Variants in ENPEP observed in about 807,000 individuals in gnomAD.
ENPEP encodes the protein glutamyl aminopeptidase, also known as AP-A.
In ENPEP, 103 loss-of-function variants were observed where a neutral mutation model predicts 114.5. The ratio of observed to expected loss-of-function variants is 0.90; its 90% CI spans 0.77 to 1.06. The LOEUF is 1.06. Among genes scored for constraint, ENPEP ranks in the 50% least tolerant of loss-of-function variants. The pLI, the probability that ENPEP is intolerant of heterozygous loss-of-function variation, is 0.00. For missense variants in ENPEP, 1,196 were observed against 1,161.3 expected, an observed-to-expected ratio of 1.03 and a Z score of -0.43; for synonymous variants, 420 against 422.0, an observed-to-expected ratio of 1.00 and a Z score of 0.06.
At chr4:110,519,858 G>T in intron 8 of ENPEP, 150 bp from the exon 9 acceptor site, 1 of 595,030 alleles carries the variant, frequency 1.7e-6, no homozygotes, top group Non-Finnish European at 3.0e-6. Context: ...AAATATCAAT[G>T]CAACAGCCGT....
At chr4:110,530,478 T>A (rs1726368694) in intron 10 of ENPEP, among the ~76,000 whole-genome samples, 1 of 152,148 alleles carries the variant, frequency 6.6e-6, no homozygotes, top group African/African-American at 2.4e-5. Flanking sequence ...CATTTTCTGA[T>A]ATGAGATGAT....
At chr4:110,503,101 G>T (rs1475967536) in intron 3 of ENPEP, among the ~76,000 whole-genome samples, 1 of 151,988 alleles carries the variant, frequency 6.6e-6, no homozygotes, top group Non-Finnish European at 1.5e-5. Context: ...TCTCCTTCCT[G>T]TGTCCAAGTG....
In ENPEP at chr4:110,515,370, A is replaced by G. The variant is rs1431765713; in HGVS notation, c.1444-7A>G. ...TAGTTTCATTTGTCTTTTTATCCCCATTGTAGGGATCTTCTATTTTGAGAA... is the reference window on the plus strand; with the variant it reads ...TAGTTTCATTTGTCTTTTTATCCCCGTTGTAGGGATCTTCTATTTTGAGAA... On this transcript the variant is annotated splice_polypyrimidine_tract_variant and splice_region_variant and intron_variant, in intron 7 of 19. Transcript: ENST00000265162. 3.7e-6 allele frequency: 6 copies of G among 1,606,118 alleles called. No individual in the cohort carries two copies. In the African/African-American group the frequency reaches 4.0e-5, roughly 11 times the overall value.
chr4:110,549,088 C>T (rs879035387), intron 14 of ENPEP, among the ~76,000 whole-genome samples: 1 of 151,764 alleles, frequency 6.6e-6, no homozygotes, highest in Admixed American at 6.6e-5. Flanking sequence ...CATATGTTAA[C>T]TAAGAAATAG....
Position 110,561,675 on chromosome 4 carries a change from A to G in ENPEP, c.*117A>G. The G allele has an allele frequency of 1.0e-6, 1 of 963,932 alleles. No individual in the cohort carries two copies. The highest frequency in any genetic ancestry group is 1.7e-5 in the South Asian group (1 of 57,908). The allele number at this position is 963,932 out of a possible 1,614,324, so 59.7% of individuals were successfully genotyped here. A position where few individuals can be genotyped will look rare whatever the true frequency, so the allele number is the denominator to read the frequency against. ...CTTATAAACAGATAATGCTTTTACT[A>G]AGCACTGTGTTTATATGTCTTGCAA... On this transcript the variant is annotated 3_prime_UTR_variant, in exon 20 of 20. Coordinates refer to ENST00000265162, the MANE Select transcript of ENPEP (RefSeq NM_001977.4).
intron 11 of ENPEP, among the ~76,000 whole-genome samples, chr4:110,532,346 T>G (rs2110375698): frequency 6.6e-6 from 1 of 152,330 alleles, no homozygotes; most frequent in South Asian, 2.1e-4. Flanking sequence ...TCATTTCACA[T>G]AAATAAAAGT....
chr4:110,490,719 C>G (rs1258386056), intron 2 of ENPEP, among the ~76,000 whole-genome samples: 1 of 152,180 alleles, frequency 6.6e-6, no homozygotes, highest in Non-Finnish European at 1.5e-5. Flanking sequence ...TTGCAGTACT[C>G]TGAAATATTA....
intron 10 of ENPEP, among the ~76,000 whole-genome samples, chr4:110,521,164 T>G (rs1460391559): frequency 6.6e-6 from 1 of 151,924 alleles, no homozygotes; most frequent in Non-Finnish European, 1.5e-5. Flanking sequence ...AAAATACAAC[T>G]CCCTTCAGCC....
Position 110,509,846 on chromosome 4 carries a change from A to T in ENPEP, c.1194+39A>T, listed in dbSNP as rs987512278. On this transcript the variant is annotated intron_variant, in intron 5 of 19. Transcript: ENST00000265162. ...GCACTGAATCAGCTTGTTTTTTTAA[A>T]GTGGCTTAAGACCACAGGAATAATT... 10 of 1,592,976 alleles carry T rather than the reference A, an allele frequency of 6.3e-6. No homozygotes were observed. In the African/African-American group the frequency reaches 1.4e-4, roughly 22 times the overall value.
chr4:110,563,893 G>A lies in ENPEP; in HGVS notation c.*2335G>A, dbSNP rs1373639289. ...GAAACAGGGGTGAGATGTATACCTG[G>A]GTTGAAGGTAATGATACTCCTACAG... is the stretch of plus-strand genomic sequence containing the variant. On this transcript the variant is annotated 3_prime_UTR_variant, in exon 20 of 20. Coordinates refer to ENST00000265162, the MANE Select transcript of ENPEP (RefSeq NM_001977.4). 6.6e-6 allele frequency: 1 copy of A among 152,086 alleles called. No individual in the cohort carries two copies. Among genetic ancestry groups the A allele is most frequent in the Admixed American group, 6.6e-5 (1 of 15,252 alleles). The allele number at this position is 152,086 out of a possible 1,614,324, so 9.4% of individuals were successfully genotyped here.
chr4:110,547,933 A>G (rs982751336), intron 13 of ENPEP, among the ~76,000 whole-genome samples: 10 of 152,006 alleles, frequency 6.6e-5, no homozygotes, highest in African/African-American at 2.4e-4. Context: ...TCAAATGTAC[A>G]TCTTAATGCC....
intron 6 of ENPEP, chr4:110,512,849 G>A (rs1291565523): frequency 6.6e-6 from 1 of 152,182 alleles, no homozygotes; most frequent in African/African-American, 2.4e-5. Context: ...TTGAACCAAG[G>A]AAATCTGACA....
chr4:110,543,162 A>AT, intron 13 of ENPEP, 92 bp downstream of exon 13: 1 of 1,204,270 alleles, frequency 8.3e-7, no homozygotes, highest in South Asian at 1.3e-5. Flanking sequence ...GTATTAATCA[A>AT]TTTTAGCTTA....
At chr4:110,508,450 A>G (rs1043564588) in intron 4 of ENPEP, among the ~76,000 whole-genome samples, 3 of 152,214 alleles carry the variant, frequency 2.0e-5, no homozygotes, top group Non-Finnish European at 4.4e-5. Flanking sequence ...TGAAAAGGAA[A>G]CTACTATTGT....
At position 110,542,892 on chromosome 4, in the gene ENPEP, G is replaced by A. The variant is rs1291907593; in HGVS notation, c.1944+5G>A. On this transcript the variant is annotated splice_donor_5th_base_variant and intron_variant, in intron 12 of 19. Transcript: ENST00000265162. The stretch of plus-strand genomic sequence containing the variant: ...GCGCTCTCCTTGAACCACAAGGTAA[G>A]AGATAGCAATGGTTGGAAACTTTTA... The A allele has an allele frequency of 1.2e-6, 2 of 1,611,744 alleles. No individual in the cohort carries two copies. The highest frequency in any genetic ancestry group is 2.7e-5 in the African/African-American group (2 of 74,738).
At chr4:110,482,140 A>C (rs1724332745) in intron 1 of ENPEP, among the ~76,000 whole-genome samples, 1 of 152,252 alleles carries the variant, frequency 6.6e-6, no homozygotes, top group African/African-American at 2.4e-5. Context: ...GAGTTAACTC[A>C]ACCATCCACT....
At chr4:110,553,723 A>G (rs1727375690) in intron 18 of ENPEP, among the ~76,000 whole-genome samples, 1 of 152,044 alleles carries the variant, frequency 6.6e-6, no homozygotes, top group Non-Finnish European at 1.5e-5. Context: ...TTTGGTTAAA[A>G]CAAGTTAATA....
At chr4:110,560,490 C>T (rs1727641085) in intron 19 of ENPEP, among the ~76,000 whole-genome samples, 1 of 151,988 alleles carries the variant, frequency 6.6e-6, no homozygotes, top group African/African-American at 2.4e-5. Flanking sequence ...AGAAATAATT[C>T]TTGTATCTAA....
intron 11 of ENPEP, among the ~76,000 whole-genome samples, chr4:110,538,825 G>A (rs1243569784): frequency 6.6e-6 from 1 of 151,934 alleles, no homozygotes; most frequent in Non-Finnish European, 1.5e-5. Flanking sequence ...ATATCGATAT[G>A]GCTGTGTCTA....
Sources: allele counts gnomAD v4.1 joint callset (sites outside exome capture counted in the v4.1 genomes callset), GRCh38; gene constraint gnomAD v4.1.1; transcripts MANE v1.5; gene names NCBI Gene and HGNC (gene_info 2026-07-23, HGNC 2026-07-21).